The following NTRK3 variants were observed in gnomAD, a reference collection of about 807,000 sequenced individuals.
NTRK3 encodes the protein NT-3 growth factor receptor.
NTRK3 carries 24 observed loss-of-function variants against 91.7 expected under a neutral mutation model. The ratio of observed to expected loss-of-function variants is 0.26; its 90% CI spans 0.19 to 0.37. NTRK3 has a LOEUF of 0.37. NTRK3 is among the 10% of genes least tolerant of loss of function. NTRK3 has a pLI of 1.00. For synonymous variants in NTRK3, 483 were observed against 404.0 expected, an observed-to-expected ratio of 1.20 and a Z score of -2.34; for missense variants, 880 against 1,068.9, an observed-to-expected ratio of 0.82 and a Z score of 2.46.
rs141848095 is a variant in NTRK3 at position 88,000,455 on chromosome 15, A to G, written c.1585+32402T>C. ...AAAATTCACCCTTTAAAACTATACCACACACACATACACACATACACATGA... is the reference window on the plus strand; with the variant it reads ...AAAATTCACCCTTTAAAACTATACCGCACACACATACACACATACACATGA... On this transcript the variant is annotated intron_variant, in intron 14 of 18. Coordinates refer to ENST00000394480, the Ensembl canonical transcript of NTRK3. 8.1e-4 allele frequency among the ~76,000 whole-genome samples: 123 copies of G among 152,274 alleles called. 2 individuals carry two copies. In the East Asian group the frequency reaches 0.023, roughly 28 times the overall value.
intron 14 of NTRK3, among the ~76,000 whole-genome samples, chr15:87,989,648 T>TA (rs561238814): frequency 2.8e-5 from 4 of 141,914 alleles, no homozygotes; most frequent in African/African-American, 5.3e-5. Flanking sequence ...ACTTAAAGTA[T>TA]AAAAAAAAAG....
At chr15:88,135,066 T>C in intron 10 of NTRK3, 35 bp downstream of exon 10, 6 of 1,612,726 alleles carry the variant, frequency 3.7e-6, no homozygotes, top group Non-Finnish European at 4.2e-6. Flanking sequence ...GTAGAAAGAA[T>C]CCATACACCT....
intron 13 of NTRK3, among the ~76,000 whole-genome samples, chr15:88,090,286 A>G (rs560253200): frequency 6.6e-6 from 1 of 152,266 alleles, no homozygotes; most frequent in Non-Finnish European, 1.5e-5. Flanking sequence ...CCAGAATGTA[A>G]GCTTCACAAA....
intron 6 of NTRK3, among the ~76,000 whole-genome samples, chr15:88,146,521 C>A (rs778019595): frequency 6.6e-6 from 1 of 152,204 alleles, no homozygotes; most frequent in Non-Finnish European, 1.5e-5. Context: ...ATACCCTCAA[C>A]ATAATATGAT....
At chr15:88,202,930 C>T (rs572241301) in intron 3 of NTRK3, among the ~76,000 whole-genome samples, 2 of 152,356 alleles carry the variant, frequency 1.3e-5, no homozygotes, top group East Asian at 3.9e-4. Flanking sequence ...GGATGAGACA[C>T]TGCAAATCTT....
chr15:88,010,791 G>C (rs1184684938), intron 14 of NTRK3, among the ~76,000 whole-genome samples: 1 of 151,594 alleles, frequency 6.6e-6, no homozygotes, highest in Admixed American at 6.6e-5. Context: ...TATCACACTA[G>C]AAGCAACCTG....
intron 17 of NTRK3, among the ~76,000 whole-genome samples, chr15:87,895,134 A>G (rs2066048467): frequency 6.6e-6 from 1 of 152,210 alleles, no homozygotes; most frequent in Non-Finnish European, 1.5e-5. Context: ...CAGGGTTGGA[A>G]GTTACCCAGC....
At position 87,866,813 on chromosome 15, in the gene NTRK3, T is replaced by A. The variant is rs1386197759; in HGVS notation, c.*10122A>T. On this transcript the variant is annotated 3_prime_UTR_variant, in exon 19 of 19. Coordinates refer to ENST00000394480, the Ensembl canonical transcript of NTRK3. ...TTCATTTGATTGAAAAAGGCTTTTT[T>A]TTCCCCCTCAAGATTTGGATGCTGC... 41 of 199,106 alleles carry A rather than the reference T, an allele frequency of 2.1e-4. No individual in the cohort carries two copies. The Admixed American group carries it at 2.5e-3, about 12-fold the overall frequency. The allele number at this position is 199,106 out of a possible 1,614,324, so 12.3% of individuals were successfully genotyped here. A position where few individuals can be genotyped will look rare whatever the true frequency, so the allele number is the denominator to read the frequency against.
At chr15:88,020,376 A>T (rs540850904) in intron 14 of NTRK3, among the ~76,000 whole-genome samples, 1 of 152,302 alleles carries the variant, frequency 6.6e-6, no homozygotes, top group Admixed American at 6.5e-5. Context: ...CCGACTCCTA[A>T]GAGCATCTTC....
exon 19 of NTRK3, chr15:87,876,900 G>T (rs1415999432): frequency 6.2e-7 from 1 of 1,609,728 alleles, no homozygotes; most frequent in East Asian, 2.2e-5. Flanking sequence ...GAGAGAGGAG[G>T]CAACAGAGTA....
At chr15:88,039,289 T>C (rs1473620793) in intron 13 of NTRK3, among the ~76,000 whole-genome samples, 1 of 152,234 alleles carries the variant, frequency 6.6e-6, no homozygotes, top group Non-Finnish European at 1.5e-5. Flanking sequence ...AACATTCTCA[T>C]AGCCTTTCTA....
Position 87,915,027 on chromosome 15 carries a change from ATGG to A in NTRK3, c.2133+14161_2133+14163del, listed in dbSNP as rs1394004546. 2.0e-5 allele frequency among the ~76,000 whole-genome samples: 3 copies of A among 151,658 alleles called. No individual in the cohort carries two copies. The East Asian group carries it at 5.8e-4, about 29-fold the overall frequency. The stretch of plus-strand genomic sequence containing the variant: ...GGTGGTGTTGGTAATGATGTTGGTG[ATGG>A]TGGCGTTGGTGATGGTGATGATGGT... On this transcript the variant is annotated intron_variant, in intron 17 of 18. Coordinates refer to ENST00000394480, the Ensembl canonical transcript of NTRK3.
intron 3 of NTRK3, among the ~76,000 whole-genome samples, chr15:88,206,430 G>T (rs1189591583): frequency 2.0e-5 from 3 of 147,952 alleles, no homozygotes; most frequent in African/African-American, 2.5e-5. Context: ...AGGCCGAGGC[G>T]GGCGGATCAC....
At chr15:87,876,132 T>G in exon 19 of NTRK3, 1 of 232,710 alleles carries the variant, frequency 4.3e-6, no homozygotes, top group Non-Finnish European at 8.5e-6. Context: ...CTTTAAGTTC[T>G]GAGAATAGAA....
At chr15:88,033,645 G>T (rs961716085) in intron 13 of NTRK3, among the ~76,000 whole-genome samples, 1 of 151,856 alleles carries the variant, frequency 6.6e-6, no homozygotes, top group Non-Finnish European at 1.5e-5. Flanking sequence ...CACTGGAAGC[G>T]TATTCCTCGA....
intron 5 of NTRK3, among the ~76,000 whole-genome samples, chr15:88,160,400 G>A (rs1242548068): frequency 6.6e-6 from 1 of 152,210 alleles, no homozygotes; most frequent in Admixed American, 6.5e-5. Flanking sequence ...TAGTGCCTGA[G>A]GTAGTGTCCT....
intron 15 of NTRK3, among the ~76,000 whole-genome samples, chr15:87,939,753 C>T (rs192260093): frequency 1.3e-5 from 2 of 152,314 alleles, no homozygotes; most frequent in African/African-American, 2.4e-5. Context: ...AATGAAGCCA[C>T]TCCAGACTCC....
intron 14 of NTRK3, among the ~76,000 whole-genome samples, chr15:87,942,183 G>C (rs1024623183): frequency 6.6e-6 from 1 of 152,214 alleles, no homozygotes; most frequent in Non-Finnish European, 1.5e-5. Context: ...GCCTAGTAAG[G>C]ATTTGCGAGA....
chr15:88,023,947 G>A (rs1194213340), intron 14 of NTRK3, among the ~76,000 whole-genome samples: 3 of 152,224 alleles, frequency 2.0e-5, no homozygotes, highest in East Asian at 3.8e-4. Context: ...TCATCTGCAA[G>A]TCCATTATGC....
Sources: gnomAD v4.1 joint callset for allele counts (sites outside exome capture counted in the v4.1 genomes callset) on GRCh38, gnomAD v4.1.1 for gene constraint, MANE v1.5 for transcripts, NCBI Gene and HGNC (gene_info 2026-07-23, HGNC 2026-07-21) for gene names.